TMTC2: variants seen among roughly 807,000 people sequenced by gnomAD.
The protein encoded by TMTC2 is transmembrane O-mannosyltransferase targeting cadherins 2.
Under a neutral mutation model 82.4 loss-of-function variants are expected in TMTC2, and 43 were observed. That is an observed-to-expected ratio of 0.52 (90% CI 0.41 to 0.67). The LOEUF is 0.67. TMTC2 is among the 30% of genes least tolerant of loss of function. TMTC2 has a pLI of 0.00. For missense variants in TMTC2, 919 were observed against 1,012.4 expected (o/e 0.91, Z 1.25); for synonymous variants, 408 against 381.9 (o/e 1.07, Z -0.80).
chr12:82,847,069 A>G (rs1318864780), intron 1 of TMTC2, among the ~76,000 whole-genome samples: 1 of 152,060 alleles, frequency 6.6e-6, no homozygotes, highest in Non-Finnish European at 1.5e-5. Flanking sequence ...CTCATCCCCA[A>G]AGTAAGATGA....
chr12:82,741,286 C>T lies in TMTC2; in HGVS notation c.83+53617C>T, dbSNP rs975270278. On this transcript the variant is annotated intron_variant, in intron 1 of 11. Coordinates refer to ENST00000321196, the MANE Select transcript of TMTC2 (RefSeq NM_152588.3). Reference sequence around the variant, plus strand: ...TTGTTAAATACTTGACTGTTTCCCACAGCTCAGATGTAGAGAAAAAGTCGG... The same window carrying T: ...TTGTTAAATACTTGACTGTTTCCCATAGCTCAGATGTAGAGAAAAAGTCGG... Among the ~76,000 whole-genome samples, 6 of 152,130 alleles carry T rather than the reference C, an allele frequency of 3.9e-5. 1 individual carries two copies. The highest frequency in any genetic ancestry group is 1.4e-4 in the African/African-American group (6 of 41,434).
chr12:82,797,492 T>C (rs1226902060), intron 1 of TMTC2, among the ~76,000 whole-genome samples: 2 of 152,186 alleles, frequency 1.3e-5, no homozygotes, highest in Admixed American at 1.3e-4. Flanking sequence ...GGTCTCCTGA[T>C]ACATGGTGTT....
chr12:82,892,384 AT>A, intron 2 of TMTC2, among the ~76,000 whole-genome samples: 1 of 152,168 alleles, frequency 6.6e-6, no homozygotes, highest in African/African-American at 2.4e-5. Flanking sequence ...TTGTATTTAA[AT>A]TTTCTTTTTA....
intron 1 of TMTC2, among the ~76,000 whole-genome samples, chr12:82,726,331 A>G (rs1212997133): frequency 6.6e-6 from 1 of 152,192 alleles, no homozygotes; most frequent in African/African-American, 2.4e-5. Flanking sequence ...AGATGACTTA[A>G]TAGTATGCAT....
chr12:83,066,333 A>G (rs1004829997), intron 11 of TMTC2, among the ~76,000 whole-genome samples: 3 of 152,042 alleles, frequency 2.0e-5, no homozygotes, highest in Non-Finnish European at 4.4e-5. Context: ...TTTAGCAAGA[A>G]CAAGGAGAGA....
rs543941573 is a variant in TMTC2, at chr12:83,088,037, A to G, written c.2331+26206A>G. On this transcript the variant is annotated intron_variant, in intron 11 of 11. Transcript: ENST00000321196. ...CACAGAAAATTTGTTTAGTACAGCC[A>G]TATCCATCAATGATCTTAGCTAGAT... 6.6e-5 allele frequency among the ~76,000 whole-genome samples: 10 copies of G among 152,336 alleles called. No individual in the cohort carries two copies. In the East Asian group the frequency reaches 1.9e-3, roughly 29 times the overall value.
chr12:82,898,894 G>A (rs895500913), intron 3 of TMTC2, among the ~76,000 whole-genome samples: 2 of 152,156 alleles, frequency 1.3e-5, no homozygotes, highest in Non-Finnish European at 2.9e-5. Flanking sequence ...AGATGCTAGG[G>A]TATAAGTAGC....
intron 8 of TMTC2, among the ~76,000 whole-genome samples, chr12:83,021,603 A>T (rs553088380): frequency 0.016 from 2,447 of 151,090 alleles, 71 homozygotes; most frequent in African/African-American, 0.056. Context: ...TATAAAAAAA[A>T]TTTTTTTTTA....
chr12:83,098,042 A>G (rs1884091232), intron 11 of TMTC2, among the ~76,000 whole-genome samples: 1 of 152,230 alleles, frequency 6.6e-6, no homozygotes, highest in Admixed American at 6.5e-5. Flanking sequence ...ATTTACAAAG[A>G]TGTCGAGGGC....
At chr12:83,048,867 C>A (rs1177873065) in intron 9 of TMTC2, among the ~76,000 whole-genome samples, 1 of 152,182 alleles carries the variant, frequency 6.6e-6, no homozygotes, top group Non-Finnish European at 1.5e-5. Flanking sequence ...CTGGCTTTCA[C>A]CATGTTGGCC....
At chr12:82,848,645 A>G (rs1870812886) in intron 1 of TMTC2, among the ~76,000 whole-genome samples, 1 of 152,242 alleles carries the variant, frequency 6.6e-6, no homozygotes, top group Non-Finnish European at 1.5e-5. Flanking sequence ...TTGGGCAATG[A>G]TTTTCAATAG....
chr12:83,108,983 C>A (rs763012604), intron 11 of TMTC2, among the ~76,000 whole-genome samples: 5 of 152,176 alleles, frequency 3.3e-5, no homozygotes, highest in Non-Finnish European at 5.9e-5. Flanking sequence ...CACGTAAGAT[C>A]CATTCCATTT....
chr12:82,912,191 A>G (rs957530761), intron 3 of TMTC2, among the ~76,000 whole-genome samples: 2 of 152,206 alleles, frequency 1.3e-5, no homozygotes, highest in Non-Finnish European at 2.9e-5. Flanking sequence ...CTCTGTAGAC[A>G]TTTTAAGTGT....
At chr12:83,054,671 G>A (rs896903826) in intron 10 of TMTC2, among the ~76,000 whole-genome samples, 1 of 150,572 alleles carries the variant, frequency 6.6e-6, no homozygotes, top group Admixed American at 6.7e-5. Context: ...ATTACATACT[G>A]TATATTTGTG....
intron 11 of TMTC2, among the ~76,000 whole-genome samples, chr12:83,100,062 G>A (rs956703548): frequency 1.1e-4 from 16 of 151,890 alleles, no homozygotes; most frequent in African/African-American, 2.4e-4. Context: ...TGGGATTCCC[G>A]GCGCCCGCCA....
At chr12:82,723,500 T>C (rs897554356) in intron 1 of TMTC2, among the ~76,000 whole-genome samples, 3 of 152,200 alleles carry the variant, frequency 2.0e-5, no homozygotes, top group Non-Finnish European at 4.4e-5. Flanking sequence ...CATGAGGTAC[T>C]GGGGATGGGA....
intron 1 of TMTC2, among the ~76,000 whole-genome samples, chr12:82,739,648 T>C (rs1875298319): frequency 6.6e-6 from 1 of 151,674 alleles, no homozygotes; most frequent in Non-Finnish European, 1.5e-5. Flanking sequence ...TTTATTTCTA[T>C]AAGACATTTT....
In TMTC2 at chr12:82,896,121, C is replaced by T; in HGVS notation, c.958C>T (p.Leu320Phe). 6.2e-7 allele frequency: 1 copy of T among 1,614,014 alleles called. No individual in the cohort carries two copies. The change falls in exon 3 of 12, where the codon CTC becomes TTC. Residue 320 changes from leucine to phenylalanine, a missense_variant. Coordinates refer to ENST00000321196, the MANE Select transcript of TMTC2 (RefSeq NM_152588.3). ...ACACACTGTGGCCTTCTATACTGGA[C>T]TCCTTCTCCTTGCCTACTATGGTTT... ...NLHTVAFYTGLLLLAYYGLKS... is the reference protein window; with the variant it reads ...NLHTVAFYTGFLLLAYYGLKS...
intron 11 of TMTC2, among the ~76,000 whole-genome samples, chr12:83,102,481 T>C (rs1884252495): frequency 6.6e-6 from 1 of 152,200 alleles, no homozygotes; most frequent in African/African-American, 2.4e-5. Flanking sequence ...AAAATGAAAT[T>C]TCCCTGTATT....
Sources: allele counts gnomAD v4.1 joint callset (sites outside exome capture counted in the v4.1 genomes callset), GRCh38; gene constraint gnomAD v4.1.1; transcripts MANE v1.5; gene names NCBI Gene and HGNC (gene_info 2026-07-23, HGNC 2026-07-21).